The following MSRB3 variants were observed in gnomAD, a reference collection of about 807,000 sequenced individuals.
The protein encoded by MSRB3 is methionine sulfoxide reductase B3, also known as methionine-R-sulfoxide reductase B3.
A neutral mutation model predicts 21.0 loss-of-function variants in MSRB3; 13 were observed. The observed-to-expected ratio is 0.62, with a 90% CI of 0.40 to 0.98. The LOEUF (loss-of-function observed/expected upper bound fraction) is 0.98. Among genes scored for constraint, MSRB3 ranks in the 50% least tolerant of loss-of-function variants. MSRB3 has a pLI of 0.00. For missense variants in MSRB3, 199 were observed against 230.3 expected, an observed-to-expected ratio of 0.86 and a Z score of 0.88; for synonymous variants, 87 against 88.6, an observed-to-expected ratio of 0.98 and a Z score of 0.10.
At chr12:65,340,999 T>C (rs1876102148) in intron 4 of MSRB3, among the ~76,000 whole-genome samples, 1 of 152,092 alleles carries the variant, frequency 6.6e-6, no homozygotes, top group South Asian at 2.1e-4. Flanking sequence ...ATAAATCTTA[T>C]CAACTTATTG....
chr12:65,301,903 A>G (rs989434089), intron 1 of MSRB3, among the ~76,000 whole-genome samples: 1 of 152,166 alleles, frequency 6.6e-6, no homozygotes, highest in African/African-American at 2.4e-5. Context: ...GTTGTTTTCT[A>G]TTAAGCTAGA....
chr12:65,328,797 G>T (rs1192400803), intron 4 of MSRB3, among the ~76,000 whole-genome samples, 194 bp downstream of exon 4: 1 of 152,154 alleles, frequency 6.6e-6, no homozygotes, highest in African/African-American at 2.4e-5. Flanking sequence ...GGCTGATTTT[G>T]CACTACTTGG....
At chr12:65,424,095 C>A (rs1353890056) in intron 5 of MSRB3, among the ~76,000 whole-genome samples, 1 of 152,010 alleles carries the variant, frequency 6.6e-6, no homozygotes, top group African/African-American at 2.4e-5. Flanking sequence ...TTATTCATTT[C>A]TTCTAGGTCA....
intron 1 of MSRB3, chr12:65,281,701 T>G (rs540382238): frequency 6.6e-6 from 1 of 152,214 alleles, no homozygotes; most frequent in African/African-American, 2.4e-5. Context: ...CAGTTTGATA[T>G]TCAGTTTTGT....
intron 1 of MSRB3, among the ~76,000 whole-genome samples, chr12:65,308,162 T>C (rs1873768673): frequency 6.6e-6 from 1 of 152,196 alleles, no homozygotes; most frequent in Admixed American, 6.5e-5. Flanking sequence ...ACCTCCTTGG[T>C]TTATTGTAAG....
intron 1 of MSRB3, among the ~76,000 whole-genome samples, chr12:65,297,171 A>C (rs1285997654): frequency 1.3e-5 from 2 of 152,134 alleles, no homozygotes; most frequent in African/African-American, 4.8e-5. Flanking sequence ...CTGAACAATG[A>C]GAACACATGG....
intron 5 of MSRB3, among the ~76,000 whole-genome samples, chr12:65,424,283 A>G (rs1166923087): frequency 6.6e-6 from 1 of 151,312 alleles, no homozygotes; most frequent in Non-Finnish European, 1.5e-5. Context: ...GGTTTCATTG[A>G]ACTTTTCTTT....
chr12:65,412,297 G>A (rs1298191355), intron 5 of MSRB3, among the ~76,000 whole-genome samples: 1 of 152,088 alleles, frequency 6.6e-6, no homozygotes, highest in Non-Finnish European at 1.5e-5. Context: ...GCAGTGTTAC[G>A]TATATTCCCA....
intron 4 of MSRB3, among the ~76,000 whole-genome samples, chr12:65,335,841 T>C (rs994764277): frequency 4.6e-5 from 7 of 152,206 alleles, no homozygotes; most frequent in African/African-American, 1.7e-4. Flanking sequence ...CCAGAAAATG[T>C]TTCTTAACCT....
intron 1 of MSRB3, among the ~76,000 whole-genome samples, chr12:65,301,797 A>G (rs979136631): frequency 6.6e-6 from 1 of 152,200 alleles, no homozygotes; most frequent in Non-Finnish European, 1.5e-5. Flanking sequence ...CTTTCCAGCT[A>G]CTTATTTGTG....
intron 5 of MSRB3, among the ~76,000 whole-genome samples, chr12:65,450,401 T>C (rs940006598): frequency 5.3e-5 from 8 of 152,182 alleles, no homozygotes; most frequent in Admixed American, 4.6e-4. Context: ...AAACTATTTA[T>C]TGAAAATAAG....
chr12:65,370,324 G>A (rs1480343292), intron 5 of MSRB3, among the ~76,000 whole-genome samples: 4 of 152,084 alleles, frequency 2.6e-5, no homozygotes, highest in Non-Finnish European at 4.4e-5. Flanking sequence ...AATGAATAAA[G>A]TTGATGGAGA....
At position 65,453,725 on chromosome 12, in the gene MSRB3, C is replaced by G. The variant is rs1276767114; in HGVS notation, c.293-3C>G. On this transcript the variant is annotated splice_region_variant and splice_polypyrimidine_tract_variant and intron_variant, in intron 5 of 6. Coordinates refer to ENST00000308259, the MANE Select transcript of MSRB3 (RefSeq NM_001031679.3). ...TTTGATTCTTGTGCCTGCTGTGTCC[C>G]AGGTTGGCCTTCATTCCACGATGTG... is the stretch of plus-strand genomic sequence containing the variant. The G allele has an allele frequency of 6.2e-7, 1 of 1,612,866 alleles. No individual in the cohort carries two copies. Among genetic ancestry groups the G allele is most frequent in the Non-Finnish European group, 8.5e-7 (1 of 1,178,950 alleles).
intron 2 of MSRB3, among the ~76,000 whole-genome samples, chr12:65,315,411 T>C (rs1874227712): frequency 6.6e-6 from 1 of 152,092 alleles, no homozygotes; most frequent in Non-Finnish European, 1.5e-5. Context: ...TGGTCGTACC[T>C]GTAATCCAGG....
At chr12:65,284,031 G>C (rs1418639633) in intron 1 of MSRB3, 4 of 152,188 alleles carry the variant, frequency 2.6e-5, no homozygotes, top group Non-Finnish European at 5.9e-5. Context: ...ATCAGCTTTT[G>C]TTGAGCACCC....
intron 4 of MSRB3, among the ~76,000 whole-genome samples, chr12:65,347,952 A>T (rs1364146421): frequency 1.3e-5 from 2 of 152,132 alleles, no homozygotes; most frequent in Non-Finnish European, 2.9e-5. Flanking sequence ...ATCATGGTGG[A>T]TAAGCTTTTT....
intron 5 of MSRB3, among the ~76,000 whole-genome samples, chr12:65,391,029 T>A (rs1879456172): frequency 6.6e-6 from 1 of 152,204 alleles, no homozygotes; most frequent in Admixed American, 6.5e-5. Context: ...CAGTTGTTTT[T>A]AAATTTTCTT....
chr12:65,451,559 C>A (rs1882858523), intron 5 of MSRB3, among the ~76,000 whole-genome samples: 1 of 152,088 alleles, frequency 6.6e-6, no homozygotes, highest in African/African-American at 2.4e-5. Flanking sequence ...GTAACCTTGG[C>A]AAGTAACTTA....
At chr12:65,335,139 C>T (rs1248565190) in intron 4 of MSRB3, among the ~76,000 whole-genome samples, 4 of 152,106 alleles carry the variant, frequency 2.6e-5, no homozygotes, top group Non-Finnish European at 5.9e-5. Flanking sequence ...TAACACCAAA[C>T]AGGTGTAAAA....
Sources: allele counts gnomAD v4.1 joint callset (sites outside exome capture counted in the v4.1 genomes callset), GRCh38; gene constraint gnomAD v4.1.1; transcripts MANE v1.5; gene names NCBI Gene and HGNC (gene_info 2026-07-23, HGNC 2026-07-21).